The following TRIM67 variants were observed in gnomAD, a reference collection of about 807,000 sequenced individuals.
TRIM67 encodes the protein tripartite motif-containing protein 67.
Under a neutral mutation model 71.0 loss-of-function variants are expected in TRIM67, and 39 were observed. That is an observed-to-expected ratio of 0.55 (90% CI 0.43 to 0.72). The LOEUF (loss-of-function observed/expected upper bound fraction) is 0.72. Ranked by LOEUF, TRIM67 falls within the 30% of genes least tolerant of loss-of-function variation. The probability of loss-of-function intolerance (pLI) is 0.00; values close to 1 mark genes in which losing one functional copy is unlikely to be tolerated. For missense variants in TRIM67, 973 were observed against 1,079.2 expected (o/e 0.90, Z 1.38); for synonymous variants, 481 against 473.9 (o/e 1.01, Z -0.19).
At position 231,163,706 on chromosome 1, in the gene TRIM67, C is replaced by T; in HGVS notation, c.737C>T (p.Ala246Val). 6.6e-7 allele frequency: 1 copy of T among 1,506,854 alleles called. No homozygotes were observed. Among genetic ancestry groups the T allele is most frequent in the Admixed American group, 2.2e-5 (1 of 46,232 alleles). The allele number at this position is 1,506,854 out of a possible 1,614,324, so 93.3% of individuals were successfully genotyped here. A position where few individuals can be genotyped will look rare whatever the true frequency, so the allele number is the denominator to read the frequency against. Reference sequence around the variant, plus strand: ...TGCCATCCATCCCGGGGACCCTTCGCCAAGCATCGCCTGGTGCAGCCGCCG... The same window carrying T: ...TGCCATCCATCCCGGGGACCCTTCGTCAAGCATCGCCTGGTGCAGCCGCCG... ...LKCHPSRGPF[A>V]KHRLVQPPPP... The change falls in exon 1 of 10, where the codon GCC (alanine) becomes GTC (valine). Residue 246 changes from alanine to valine, a missense_variant. This residue lies in a region of TRIM67 where 795 missense variants were observed against 831.3 expected (regional missense o/e 0.96). Coordinates refer to ENST00000366653, the MANE Select transcript of TRIM67 (RefSeq NM_001004342.5).
At chr1:231,187,727 C>A (rs1683125892) in intron 1 of TRIM67, 2 of 650,912 alleles carry the variant, frequency 3.1e-6, no homozygotes, top group Admixed American at 2.9e-5. Flanking sequence ...CAGAAGGAAG[C>A]CACGTGGCTG....
intron 1 of TRIM67, among the ~76,000 whole-genome samples, chr1:231,196,247 C>T (rs964317994): frequency 6.6e-6 from 1 of 152,080 alleles, no homozygotes; most frequent in African/African-American, 2.4e-5. Flanking sequence ...AGACCCTGGC[C>T]CTTCTGACTC....
chr1:231,162,936 C>T lies in TRIM67; in HGVS notation c.-34C>T. The T allele has an allele frequency of 1.2e-6, 2 of 1,601,028 alleles. No individual in the cohort carries two copies. The highest frequency in any genetic ancestry group is 1.7e-6 in the Non-Finnish European group (2 of 1,175,800). On this transcript the variant is annotated 5_prime_UTR_variant, in exon 1 of 10. Transcript: ENST00000366653. ...TCTCCCGAGCTCCGGCCATTCATCC[C>T]CAGCGCAGAGCAGCGCTGGCAGCCG... is the stretch of plus-strand genomic sequence containing the variant.
At chr1:231,176,463 G>A (rs780926408) in intron 1 of TRIM67, among the ~76,000 whole-genome samples, 1 of 152,182 alleles carries the variant, frequency 6.6e-6, no homozygotes, top group Non-Finnish European at 1.5e-5. Flanking sequence ...CGGATGGTGA[G>A]TAGGTTCATT....
chr1:231,211,453 T>C (rs1002770397), intron 8 of TRIM67, among the ~76,000 whole-genome samples: 1 of 152,168 alleles, frequency 6.6e-6, no homozygotes, highest in Non-Finnish European at 1.5e-5. Flanking sequence ...CCTGAGGCTT[T>C]GCTTAGGTTG....
chr1:231,202,153 C>CAGGAGAAGGGGGTAAT (rs1683559017), intron 5 of TRIM67, among the ~76,000 whole-genome samples: 1 of 2,250 alleles, frequency 4.4e-4, no homozygotes, highest in Non-Finnish European at 1.0e-3. Flanking sequence ...GAAGAGGTAG[C>CAGGAGAAGGGGGTAAT]GGAGGAGGAG....
intron 5 of TRIM67, 23 bp downstream of exon 5, chr1:231,201,540 T>A (rs1683523212): frequency 1.9e-6 from 3 of 1,609,778 alleles, no homozygotes. Flanking sequence ...TGGCCCCAGT[T>A]CAGTCAGTGC....
chr1:231,201,345 G>T lies in TRIM67; in HGVS notation c.1375-13G>T, dbSNP rs1046180735. 1 of 1,608,964 alleles carries T rather than the reference G, an allele frequency of 6.2e-7. No individual in the cohort carries two copies. Among genetic ancestry groups the T allele is most frequent in the Non-Finnish European group, 8.5e-7 (1 of 1,177,592 alleles). ...TGCAAAGCAAAACCTTAAACTCTTTGCTCCCCTTTAAGATCTCAGATGCTC... is the reference window on the plus strand; with the variant it reads ...TGCAAAGCAAAACCTTAAACTCTTTTCTCCCCTTTAAGATCTCAGATGCTC... On this transcript the variant is annotated splice_polypyrimidine_tract_variant and intron_variant, in intron 4 of 9. Transcript: ENST00000366653.
chr1:231,163,539 G>T lies in TRIM67; in HGVS notation c.570G>T (p.Gln190His). ...TCGAGGCCATCGTGCAGCGGTACCA[G>T]CAGGGCCGCGGGGCCGTGCCGGGGA... ...RLLEAIVQRY[Q>H]QGRGAVPGTS... The change falls in exon 1 of 10, where the codon CAG (glutamine) becomes CAT (histidine). Residue 190 changes from glutamine (Q) to histidine (H), a missense_variant. Gln to His is a conservative substitution (Grantham distance 24). Coordinates refer to ENST00000366653, the MANE Select transcript of TRIM67 (RefSeq NM_001004342.5). The T allele has an allele frequency of 1.3e-6, 2 of 1,514,318 alleles. No homozygotes were observed. Among genetic ancestry groups the T allele is most frequent in the Non-Finnish European group, 1.8e-6 (2 of 1,137,074 alleles). 93.8% of individuals were successfully genotyped at this position (1,514,318 alleles called of 1,614,324 possible). A position where few individuals can be genotyped will look rare whatever the true frequency, so the allele number is the denominator to read the frequency against.
At chr1:231,208,830 C>T in intron 7 of TRIM67, 117 bp from the exon 8 acceptor site, 1 of 970,374 alleles carries the variant, frequency 1.0e-6, no homozygotes, top group Non-Finnish European at 1.6e-6. Flanking sequence ...AAAGACCCTT[C>T]ACTTCTGGGT....
intron 6 of TRIM67, among the ~76,000 whole-genome samples, chr1:231,204,239 G>C (rs1034483898): frequency 2.0e-5 from 3 of 152,144 alleles, no homozygotes; most frequent in Non-Finnish European, 2.9e-5. Flanking sequence ...ACTCAGAGAA[G>C]GTGTTTCCTG....
chr1:231,179,991 G>C (rs1174107491), intron 1 of TRIM67, among the ~76,000 whole-genome samples: 1 of 152,162 alleles, frequency 6.6e-6, no homozygotes, highest in Non-Finnish European at 1.5e-5. Context: ...ACTTTCTCCT[G>C]TGCCTTTGTG....
intron 1 of TRIM67, among the ~76,000 whole-genome samples, chr1:231,165,601 T>C (rs1682438888): frequency 6.6e-6 from 1 of 152,218 alleles, no homozygotes; most frequent in African/African-American, 2.4e-5. Flanking sequence ...TGGTAGTGTT[T>C]ATGCTGAGTC....
chr1:231,197,206 G>A (rs531894626), intron 1 of TRIM67, among the ~76,000 whole-genome samples, 165 bp from the exon 2 acceptor site: 32 of 152,310 alleles, frequency 2.1e-4, no homozygotes, highest in Admixed American at 5.2e-4. Flanking sequence ...ATAAACAAAT[G>A]TTGTAGAGAT....
chr1:231,208,911 C>T (rs1220175357), intron 7 of TRIM67, 36 bp from the exon 8 acceptor site: 1 of 1,529,246 alleles, frequency 6.5e-7, no homozygotes, highest in Non-Finnish European at 8.8e-7. Context: ...AAATTCCATC[C>T]CCTGACCCTG....
chr1:231,165,583 G>T (rs1682438396), intron 1 of TRIM67, among the ~76,000 whole-genome samples: 1 of 152,154 alleles, frequency 6.6e-6, no homozygotes, highest in African/African-American at 2.4e-5. Context: ...ACATGAGCTG[G>T]CAACTTTTGG....
rs1029285815 is a variant in TRIM67, at chr1:231,180,600, G to A, written c.1044+16587G>A. Among the ~76,000 whole-genome samples, 5 of 152,112 alleles carry A rather than the reference G, an allele frequency of 3.3e-5. No individual in the cohort carries two copies. In the East Asian group the frequency reaches 9.6e-4, roughly 29 times the overall value. ...GGCAGCCTGGAGCATGGAGGAAGGG[G>A]GTGATGGTGGAGGAGGAGTTGGATG... On this transcript the variant is annotated intron_variant, in intron 1 of 9. Coordinates refer to ENST00000366653, the MANE Select transcript of TRIM67 (RefSeq NM_001004342.5).
At chr1:231,180,984 T>G (rs1682889227) in intron 1 of TRIM67, among the ~76,000 whole-genome samples, 1 of 148,854 alleles carries the variant, frequency 6.7e-6, no homozygotes, top group Non-Finnish European at 1.5e-5. Context: ...TTTGTTTGTT[T>G]GTGATGGAGT....
intron 1 of TRIM67, among the ~76,000 whole-genome samples, chr1:231,171,397 A>G (rs1411524059): frequency 3.3e-5 from 5 of 152,204 alleles, no homozygotes; most frequent in African/African-American, 7.2e-5. Context: ...TGGGATTTAA[A>G]ATAAACCTAC....
Sources: gnomAD v4.1 joint callset for allele counts (sites outside exome capture counted in the v4.1 genomes callset) on GRCh38, gnomAD v4.1.1 for gene constraint, gnomAD v4.1.1 regional missense constraint, MANE v1.5 for transcripts, NCBI Gene and HGNC (gene_info 2026-07-23, HGNC 2026-07-21) for gene names.